FBXL18: variants seen among roughly 807,000 people sequenced by gnomAD.
FBXL18 encodes F-box and leucine rich repeat protein 18.
Under a neutral mutation model 46.0 loss-of-function variants are expected in FBXL18, and 36 were observed. The ratio of observed to expected loss-of-function variants is 0.78; its 90% CI spans 0.60 to 1.03. The LOEUF (loss-of-function observed/expected upper bound fraction) is 1.03, where lower values mean the gene tolerates loss of function less well. Among genes scored for constraint, FBXL18 ranks in the 50% least tolerant of loss-of-function variants. The pLI is 0.00. For synonymous variants in FBXL18, 557 were observed against 465.3 expected (o/e 1.20, Z -2.54); for missense variants, 977 against 1,004.1 (o/e 0.97, Z 0.36).
At chr7:5,464,955 C>T (rs919081276) in intron 4 of FBXL18, among the ~76,000 whole-genome samples, 2 of 150,914 alleles carry the variant, frequency 1.3e-5, no homozygotes, top group Non-Finnish European at 3.0e-5. Context: ...CTCAGCTACT[C>T]GGGAGGCTGA....
At position 5,501,983 on chromosome 7, in the gene FBXL18, T is replaced by A; in HGVS notation, c.286A>T (p.Ile96Phe). Residue 96 changes from isoleucine (I) to phenylalanine (F), a missense_variant, in exon 3 of 5, where the codon ATC (isoleucine) becomes TTC (phenylalanine). Transcript: ENST00000382368. ...CAGCCAGCCATGCTCAGCTGCTGGA[T>A]CTCCCGGCCGATCTCCTTCACCAGC... Reference protein sequence around the residue: ...RQLVKEIGREIQQLSMAGCYW... With the variant: ...RQLVKEIGREFQQLSMAGCYW... 1 of 1,607,522 alleles carries A rather than the reference T, an allele frequency of 6.2e-7. No homozygotes were observed. Among genetic ancestry groups the A allele is most frequent in the South Asian group, 1.1e-5 (1 of 89,692 alleles).
At position 5,500,763 on chromosome 7, in the gene FBXL18, G is replaced by C. The variant is rs1018740678; in HGVS notation, c.1506C>G (p.Asn502Lys). The change falls in exon 3 of 5, where the codon AAC (asparagine) becomes AAG (lysine). Residue 502 changes from asparagine (N) to lysine (K), a missense_variant. By Grantham distance (94) the Asn-to-Lys change is moderately conservative. Transcript: ENST00000382368. Reference sequence around the variant, plus strand: ...GGAGCGAGTTGCGGATGGCGGGCTCGTTGCGGGGCATGGCGGAGGAGAAGT... The same window carrying C: ...GGAGCGAGTTGCGGATGGCGGGCTCCTTGCGGGGCATGGCGGAGGAGAAGT... Reference protein sequence around the residue: ...GSNFSSAMPRNEPAIRNSLPP... With the variant: ...GSNFSSAMPRKEPAIRNSLPP... The C allele has an allele frequency of 1.2e-6, 2 of 1,612,584 alleles. No homozygotes were observed. The highest frequency in any genetic ancestry group is 1.7e-6 in the Non-Finnish European group (2 of 1,179,742).
At chr7:5,492,491 G>T (rs1177495965) in intron 3 of FBXL18, among the ~76,000 whole-genome samples, 1 of 151,920 alleles carries the variant, frequency 6.6e-6, no homozygotes, top group African/African-American at 2.4e-5. Context: ...GCCGCTGGAG[G>T]GACGGGCTGA....
chr7:5,475,531 C>A (rs1783495122), downstream of FBXL18, among the ~76,000 whole-genome samples: 2 of 152,168 alleles, frequency 1.3e-5, no homozygotes, highest in African/African-American at 4.8e-5. The surrounding 1 kb of genome is among the most constrained non-coding windows in gnomAD (Gnocchi z 4.2). Flanking sequence ...CCCATCCTGA[C>A]CTACGCAGCC....
chr7:5,503,892 A>C (rs1234967133), intron 2 of FBXL18, among the ~76,000 whole-genome samples: 1 of 151,572 alleles, frequency 6.6e-6, no homozygotes, highest in African/African-American at 2.4e-5. Context: ...GCTTGAACCC[A>C]GGAGGTGGAG....
intron 4 of FBXL18, among the ~76,000 whole-genome samples, chr7:5,483,219 T>A (rs190987806): frequency 6.6e-6 from 1 of 151,788 alleles, no homozygotes; most frequent in Non-Finnish European, 1.5e-5. Flanking sequence ...GGCAGATGGA[T>A]CACCTGAGGT....
chr7:5,463,702 ATATTTATTTATT>A (rs1349633532), intron 4 of FBXL18, among the ~76,000 whole-genome samples: 5 of 69,028 alleles, frequency 7.2e-5, no homozygotes, highest in South Asian at 5.1e-4. Context: ...AACTATATAT[ATATTTATTTATT>A]TATTTATTTA....
intron 4 of FBXL18, among the ~76,000 whole-genome samples, chr7:5,460,553 A>G (rs1427209285): frequency 2.0e-5 from 3 of 152,216 alleles, no homozygotes; most frequent in Non-Finnish European, 4.4e-5. Context: ...TTCTGGGTTC[A>G]AGTGATTCTC....
chr7:5,483,440 CA>C (rs67480292), intron 4 of FBXL18, among the ~76,000 whole-genome samples: 65,350 of 145,204 alleles, frequency 0.45, 14,767 homozygotes, highest in South Asian at 0.55. Context: ...GACTCCATCT[CA>C]AAAAAAGAAA....
At chr7:5,509,302 G>C (rs1784470228) in intron 1 of FBXL18, among the ~76,000 whole-genome samples, 1 of 151,698 alleles carries the variant, frequency 6.6e-6, no homozygotes, top group Middle Eastern at 3.2e-3. Flanking sequence ...TAAAAAGAGA[G>C]GGAGAGACAG....
At chr7:5,472,670 C>T (rs1049365961), downstream of FBXL18, among the ~76,000 whole-genome samples, 1 of 152,162 alleles carries the variant, frequency 6.6e-6, no homozygotes, top group Non-Finnish European at 1.5e-5. Context: ...TCAACACCAG[C>T]ATTGACCACC....
downstream of FBXL18, among the ~76,000 whole-genome samples, chr7:5,474,795 C>T (rs1783483347): frequency 6.6e-6 from 1 of 150,960 alleles, no homozygotes; most frequent in Non-Finnish European, 1.5e-5. Flanking sequence ...GCAAGCTCCG[C>T]CTCCCGGGTT....
chr7:5,464,117 G>T (rs1584183271), intron 4 of FBXL18, among the ~76,000 whole-genome samples: 1 of 152,018 alleles, frequency 6.6e-6, no homozygotes, highest in Admixed American at 6.6e-5. Flanking sequence ...AGGCCAAGGT[G>T]GGCGGATCAC....
chr7:5,484,154 C>T (rs902706519), intron 4 of FBXL18, among the ~76,000 whole-genome samples: 10 of 152,164 alleles, frequency 6.6e-5, no homozygotes, highest in African/African-American at 2.2e-4. Flanking sequence ...CCCTCTGGCT[C>T]CAGCTCGTGA....
In FBXL18 at chr7:5,500,683, T is replaced by C. The variant is rs1784214171; in HGVS notation, c.1586A>G (p.Gln529Arg). The change falls in exon 3 of 5, where the codon CAG becomes CGG. Residue 529 changes from glutamine (Q) to arginine (R), a missense_variant. Transcript: ENST00000382368. ...CGTCAGGTGCCGCAGGAAGGCCAGC[T>C]GGCCGATGGCGGCCACCTCCGAGTC... is the stretch of plus-strand genomic sequence containing the variant. The part of the protein sequence containing the change: ...VGDSEVAAIG[Q>R]LAFLRHLTLA... The C allele has an allele frequency of 6.2e-7, 1 of 1,610,560 alleles. No individual in the cohort carries two copies. Among genetic ancestry groups the C allele is most frequent in the African/African-American group, 1.3e-5 (1 of 74,890 alleles).
rs779833658 is a variant in FBXL18, at chr7:5,501,928, T to A, written c.341A>T (p.His114Leu). ...CYWLPGSTVE[H>L]VARCRSLVKV... ...CACCAGGCTGCGGCAGCGGGCCACG[T>A]GTTCCACGGTGGAGCCAGGCAGCCA... Residue 114 changes from histidine to leucine, a missense_variant, in exon 3 of 5, where the codon CAC (histidine) becomes CTC (leucine). Physicochemically the swap from His to Leu is moderately conservative, Grantham distance 99. Coordinates refer to ENST00000382368, the MANE Select transcript of FBXL18 (RefSeq NM_024963.6). The A allele has an allele frequency of 6.2e-7, 1 of 1,603,916 alleles. No individual in the cohort carries two copies. Among genetic ancestry groups the A allele is most frequent in the Non-Finnish European group, 8.5e-7 (1 of 1,176,484 alleles).
intron 4 of FBXL18, among the ~76,000 whole-genome samples, chr7:5,468,234 C>T (rs566850318): frequency 3.3e-3 from 504 of 151,784 alleles, no homozygotes; most frequent in Non-Finnish European, 6.1e-3. Context: ...CCGCCCGCCT[C>T]GGCCTCCCAA....
In FBXL18 at chr7:5,501,903, C is replaced by T. The variant is rs780676397; in HGVS notation, c.366G>A (p.Val122=). The T allele has an allele frequency of 8.1e-6, 13 of 1,602,716 alleles. No individual in the cohort carries two copies. The highest frequency in any genetic ancestry group is 4.0e-5 in the African/African-American group (3 of 74,872). Residue 122 remains valine, a synonymous_variant, in exon 3 of 5, where the codon GTG becomes GTA. Transcript: ENST00000382368. ...VEHVARCRSL[V]KVNLSGCHLT... ...GGTGGCAGCCCGAGAGGTTCACCTT[C>T]ACCAGGCTGCGGCAGCGGGCCACGT...
At chr7:5,497,739 G>C (rs1171067534) in intron 3 of FBXL18, among the ~76,000 whole-genome samples, 1 of 152,214 alleles carries the variant, frequency 6.6e-6, no homozygotes. Context: ...GAGAGACTCA[G>C]CTCCCCCTGA....
Sources: allele counts gnomAD v4.1 joint callset (sites outside exome capture counted in the v4.1 genomes callset), GRCh38; gene constraint gnomAD v4.1.1; non-coding constraint Gnocchi (gnomAD v3.1); transcripts MANE v1.5; gene names NCBI Gene and HGNC (gene_info 2026-07-23, HGNC 2026-07-21).